The following ZFTRAF1 variants were observed in gnomAD, a reference collection of about 807,000 sequenced individuals.
ZFTRAF1 encodes the protein zinc finger TRAF-type and ring finger containing 1.
At chr8:144,462,245 C>G in the ZFTRAF1 span, 1 of 510,880 alleles carries the variant, frequency 2.0e-6, no homozygotes, top group South Asian at 2.3e-5. Context: ...GGCTGCAGCC[C>G]CGGGCTGGGC....
At chr8:144,450,586 C>T in the ZFTRAF1 span, 112 of 718,112 alleles carry the variant, frequency 1.6e-4, no homozygotes, top group African/African-American at 1.6e-3. Flanking sequence ...CCAGCGGTGC[C>T]GTGACCTTGC....
chr8:144,458,331 A>G, the ZFTRAF1 span, among the ~76,000 whole-genome samples: 14 of 152,246 alleles, frequency 9.2e-5, no homozygotes, highest in Admixed American at 5.9e-4. Flanking sequence ...ACAGAAAACA[A>G]AAATTCCAAC....
chr8:144,450,848 G>A, the ZFTRAF1 span: 1 of 617,592 alleles, frequency 1.6e-6, no homozygotes, highest in African/African-American at 1.8e-5. Context: ...CCCTGACCAG[G>A]CCGAGGGCAG....
chr8:144,459,608 C>T, the ZFTRAF1 span, among the ~76,000 whole-genome samples: 4 of 152,356 alleles, frequency 2.6e-5, no homozygotes, highest in Non-Finnish European at 5.9e-5. Context: ...CCACCCGAGG[C>T]TTCCCTGCCA....
the ZFTRAF1 span, chr8:144,452,140 C>T: frequency 4.8e-6 from 3 of 624,262 alleles, no homozygotes; most frequent in Non-Finnish European, 8.7e-6. Flanking sequence ...GAGAGCCACA[C>T]AGGTGTGCAC....
the ZFTRAF1 span, chr8:144,452,035 C>G: frequency 0.5 from 200,011 of 404,042 alleles, 50,760 homozygotes; most frequent in Middle Eastern, 0.62. Context: ...TGGTTAGACC[C>G]TGACTGTCTT....
the ZFTRAF1 span, among the ~76,000 whole-genome samples, chr8:144,461,450 G>A: frequency 6.6e-6 from 1 of 152,176 alleles, no homozygotes; most frequent in Non-Finnish European, 1.5e-5. Context: ...AACCCACCTG[G>A]GCCAGGTACC....
chr8:144,459,174 G>A, the ZFTRAF1 span, among the ~76,000 whole-genome samples: 3 of 152,214 alleles, frequency 2.0e-5, no homozygotes, highest in African/African-American at 7.2e-5. Flanking sequence ...CCCAGAGGAG[G>A]TGCCCCATGG....
chr8:144,462,034 G>A, the ZFTRAF1 span, among the ~76,000 whole-genome samples: 11 of 152,186 alleles, frequency 7.2e-5, no homozygotes, highest in Non-Finnish European at 8.8e-5. Context: ...AGATCGGGAA[G>A]TACCGTGGAT....
chr8:144,462,530 G>T, the ZFTRAF1 span: 1 of 150,228 alleles, frequency 6.7e-6, no homozygotes, highest in Non-Finnish European at 1.4e-5. Context: ...GCCCAGAGCC[G>T]CCGCCGCCGC....
chr8:144,462,341 A>G, the ZFTRAF1 span: 1 of 510,946 alleles, frequency 2.0e-6, no homozygotes, highest in Non-Finnish European at 3.6e-6. Context: ...CACCGAGTAG[A>G]GCCGCTCCTC....
At chr8:144,452,002 C>A in the ZFTRAF1 span, 2 of 352,330 alleles carry the variant, frequency 5.7e-6, no homozygotes, top group South Asian at 5.0e-5. Context: ...AGCTCCCAGG[C>A]CCCCTGAGAC....
chr8:144,452,617 G>C, the ZFTRAF1 span: 1 of 1,505,096 alleles, frequency 6.6e-7, no homozygotes, highest in Non-Finnish European at 8.9e-7. Context: ...CCGAACAGGA[G>C]GCTGCAACAA....
chr8:144,454,329 G>A, the ZFTRAF1 span: 4 of 152,460 alleles, frequency 2.6e-5, no homozygotes, highest in East Asian at 7.7e-4. Context: ...TGGGAGGTGG[G>A]AAGCCCAGAC....
At chr8:144,453,616 G>A in the ZFTRAF1 span, 6 of 651,128 alleles carry the variant, frequency 9.2e-6, no homozygotes, top group Non-Finnish European at 1.6e-5. Context: ...GGAGTGTGGT[G>A]AACACTGCGA....
chr8:144,452,680 C>A, the ZFTRAF1 span: 1 of 1,044,306 alleles, frequency 9.6e-7, no homozygotes, highest in South Asian at 1.6e-5. Flanking sequence ...CTGCAGGACA[C>A]ACGTAACTGT....
chr8:144,452,393 G>A, the ZFTRAF1 span: 2 of 1,550,140 alleles, frequency 1.3e-6, no homozygotes, highest in East Asian at 2.4e-5. Context: ...TGAGCAGGCT[G>A]AAGATGCTGT....
At chr8:144,451,051 G>T in the ZFTRAF1 span, 1 of 398,294 alleles carries the variant, frequency 2.5e-6, no homozygotes. Context: ...CCCGACCCAC[G>T]CTGGCCTCCC....
At chr8:144,452,362 T>A in the ZFTRAF1 span, 1 of 1,548,976 alleles carries the variant, frequency 6.5e-7, no homozygotes, top group Non-Finnish European at 8.7e-7. Flanking sequence ...GCCTCACCTG[T>A]GTAGCCAATC....
Sources: allele counts gnomAD v4.1 joint callset (sites outside exome capture counted in the v4.1 genomes callset), GRCh38; gene constraint gnomAD v4.1.1; transcripts MANE v1.5; gene names NCBI Gene and HGNC (gene_info 2026-07-23, HGNC 2026-07-21).